GSC: variants seen among roughly 807,000 people sequenced by gnomAD.
The protein encoded by GSC is goosecoid homeobox.
A neutral mutation model predicts 24.5 loss-of-function variants in GSC; 13 were observed. The ratio of observed to expected loss-of-function variants is 0.53; its 90% confidence interval spans 0.35 to 0.84. The LOEUF is 0.84. Ranked by LOEUF, GSC falls within the 40% of genes least tolerant of loss-of-function variation. The pLI, the probability that GSC is intolerant of heterozygous loss-of-function variation, is 0.01. For synonymous variants in GSC, 199 were observed against 182.1 expected (o/e 1.09, Z -0.75); for missense variants, 382 against 384.2 (o/e 0.99, Z 0.05).
intron 2 of GSC, 23 bp from the exon 3 acceptor site, chr14:94,768,672 ACAGTT>A: frequency 1.9e-6 from 3 of 1,611,940 alleles, no homozygotes; most frequent in Non-Finnish European, 2.5e-6. Context: ...GGAGGACAAA[ACAGTT>A]CAGATCAAAG....
In GSC at chr14:94,770,070, C is replaced by T. The variant is rs947895185; in HGVS notation, c.-55G>A. ...GGCGGGAACGCGCCGAGGACAGAGC[C>T]TTAAAGTGGGGGGGTCCACTCTCCT... is the stretch of plus-strand genomic sequence containing the variant. On this transcript the variant is annotated 5_prime_UTR_variant, in exon 1 of 3. Transcript: ENST00000238558. 62 of 1,481,044 alleles carry T rather than the reference C, an allele frequency of 4.2e-5. No individual in the cohort carries two copies. The East Asian group carries it at 1.6e-3, about 39-fold the overall frequency. The allele number at this position is 1,481,044 out of a possible 1,614,324, so 91.7% of individuals were successfully genotyped here. A position where few individuals can be genotyped will look rare whatever the true frequency, so the allele number is the denominator to read the frequency against.
Position 94,769,108 on chromosome 14 carries a change from C to A in GSC, c.465G>T (p.Leu155=). 1 of 1,588,218 alleles carries A rather than the reference C, an allele frequency of 6.3e-7. No individual in the cohort carries two copies. The highest frequency in any genetic ancestry group is 8.6e-7 in the Non-Finnish European group (1 of 1,167,882). Residue 155 remains leucine (L), a synonymous_variant, in exon 2 of 3, where the codon CTG becomes CTT. Coordinates refer to ENST00000238558, the MANE Select transcript of GSC (RefSeq NM_173849.3). ...GGTGCCGCCGCTTCCGCCGACAGTG[C>A]AGCTGGTTGAGAAGCTGCAGCTCGG... ...SRTELQLLNQ[L]HCRRKRRHRT...
Position 94,770,048 on chromosome 14 carries a change from G to A in GSC, c.-33C>T, listed in dbSNP as rs764852187. On this transcript the variant is annotated 5_prime_UTR_variant, in exon 1 of 3. Coordinates refer to ENST00000238558, the MANE Select transcript of GSC (RefSeq NM_173849.3). ...CCCCGCGTCGGGACCGGGGGGCGGC[G>A]GGAACGCGCCGAGGACAGAGCCTTA... 3.3e-6 allele frequency: 5 copies of A among 1,528,610 alleles called. No homozygotes were observed. The South Asian group carries it at 3.6e-5, about 11-fold the overall frequency. 94.7% of individuals were successfully genotyped at this position (1,528,610 alleles called of 1,614,324 possible). A position where few individuals can be genotyped will look rare whatever the true frequency, so the allele number is the denominator to read the frequency against.
At chr14:94,768,717 G>C in intron 2 of GSC, 68 bp from the exon 3 acceptor site, 1 of 1,594,914 alleles carries the variant, frequency 6.3e-7, no homozygotes, top group Non-Finnish European at 8.5e-7. Flanking sequence ...GGGGCACCCG[G>C]GGAGCTTGGT....
chr14:94,769,048 G>T lies in GSC; in HGVS notation c.525C>A (p.Leu175=). ...ACTTGGTCTCCTGGAAGAGGTTCTC[G>T]AGAGCTTCGAGCTGCTCGTCAGTGA... is the stretch of plus-strand genomic sequence containing the variant. The part of the protein sequence containing the change: ...TIFTDEQLEA[L]ENLFQETKYP... The change falls in exon 2 of 3, where the codon CTC becomes CTA. Residue 175 remains leucine (L), a synonymous_variant. Coordinates refer to ENST00000238558, the MANE Select transcript of GSC (RefSeq NM_173849.3). 6.3e-7 allele frequency: 1 copy of T among 1,595,466 alleles called. No homozygotes were observed.
intron 1 of GSC, 99 bp downstream of exon 1, chr14:94,769,562 T>G (rs1381207453): frequency 7.2e-7 from 1 of 1,384,056 alleles, no homozygotes; most frequent in African/African-American, 1.5e-5. Context: ...AGGGGGGAGT[T>G]GCAAGAGGAG....
In GSC at chr14:94,768,369, G is replaced by T; in HGVS notation, c.*122C>A. 1 of 1,292,226 alleles carries T rather than the reference G, an allele frequency of 7.7e-7. No individual in the cohort carries two copies. Among genetic ancestry groups the T allele is most frequent in the Non-Finnish European group, 1.1e-6 (1 of 896,832 alleles). 80.0% of individuals were successfully genotyped at this position (1,292,226 alleles called of 1,614,324 possible). ...CTCCCGGCTCTGTACACTATTTACA[G>T]CTCCTCGTTCCTCTTTCTCGACCCC... On this transcript the variant is annotated 3_prime_UTR_variant, in exon 3 of 3. Coordinates refer to ENST00000238558, the MANE Select transcript of GSC (RefSeq NM_173849.3).
Position 94,769,089 on chromosome 14 carries a change from G to A in GSC, c.484C>T (p.Arg162Trp). The change falls in exon 2 of 3, where the codon CGG becomes TGG. Residue 162 changes from arginine (R) to tryptophan (W), a missense_variant. By Grantham distance (101) the Arg-to-Trp change is moderately radical. Coordinates refer to ENST00000238558, the MANE Select transcript of GSC (RefSeq NM_173849.3). ...TCGTCAGTGAAGATGGTGCGGTGCC[G>A]CCGCTTCCGCCGACAGTGCAGCTGG... is the stretch of plus-strand genomic sequence containing the variant. ...LNQLHCRRKR[R>W]HRTIFTDEQL... 6.3e-7 allele frequency: 1 copy of A among 1,589,956 alleles called. No individual in the cohort carries two copies. The highest frequency in any genetic ancestry group is 8.6e-7 in the Non-Finnish European group (1 of 1,169,020).
chr14:94,769,726 G>A lies in GSC; in HGVS notation c.290C>T (p.Pro97Leu). Residue 97 changes from proline to leucine, a missense_variant, in exon 1 of 3, where the codon CCG (proline) becomes CTG (leucine). Physicochemically the swap from Pro to Leu is moderately conservative, Grantham distance 98 (BLOSUM62 -3). Transcript: ENST00000238558. ...CGGCGGCACGGCCCCGCAGCAGGCC[G>A]GGCCCACGGGCGCCGCCTGCACGTG... The part of the protein sequence containing the change: ...QLHVQAAPVG[P>L]ACCGAVPPLG... The A allele has an allele frequency of 1.4e-6, 2 of 1,445,298 alleles. No individual in the cohort carries two copies. The highest frequency in any genetic ancestry group is 2.9e-5 in the Admixed American group (1 of 34,884). 89.5% of individuals were successfully genotyped at this position (1,445,298 alleles called of 1,614,324 possible).
chr14:94,768,894 C>T, intron 2 of GSC, 64 bp downstream of exon 2: 2 of 1,544,622 alleles, frequency 1.3e-6, no homozygotes, highest in Non-Finnish European at 1.7e-6. Flanking sequence ...CTGGGCAAAC[C>T]CGACTGGGGC....
chr14:94,768,949 G>A lies in GSC; in HGVS notation c.615+9C>T, dbSNP rs1197406338. 5 of 1,574,846 alleles carry A rather than the reference G, an allele frequency of 3.2e-6. No homozygotes were observed. The African/African-American group carries it at 4.1e-5, about 13-fold the overall frequency. On this transcript the variant is annotated intron_variant, in intron 2 of 2. Coordinates refer to ENST00000238558, the MANE Select transcript of GSC (RefSeq NM_173849.3). The stretch of plus-strand genomic sequence containing the variant: ...CCGCTAGGCGCCCACGGCAGGCCCC[G>A]GCGCCTACCTCCACTTTCTCCTCGC...
Position 94,769,695 on chromosome 14 carries a change from G to T in GSC, c.321C>A (p.Gly107=). The part of the protein sequence containing the change: ...PACCGAVPPL[G]AQQCSCVPTP... ...TCGGGACGCAGGAGCACTGCTGGGC[G>T]CCCAGCGGCGGCACGGCCCCGCAGC... Residue 107 remains glycine, a synonymous_variant, in exon 1 of 3, where the codon GGC becomes GGA. Coordinates refer to ENST00000238558, the MANE Select transcript of GSC (RefSeq NM_173849.3). The T allele has an allele frequency of 6.9e-7, 1 of 1,445,446 alleles. No homozygotes were observed. The highest frequency in any genetic ancestry group is 1.4e-5 in the South Asian group (1 of 70,606). 89.5% of individuals were successfully genotyped at this position (1,445,446 alleles called of 1,614,324 possible). A position where few individuals can be genotyped will look rare whatever the true frequency, so the allele number is the denominator to read the frequency against.
chr14:94,769,825 G>C lies in GSC; in HGVS notation c.191C>G (p.Pro64Arg). 7.1e-6 allele frequency: 10 copies of C among 1,415,350 alleles called. No individual in the cohort carries two copies. The highest frequency in any genetic ancestry group is 9.1e-6 in the Non-Finnish European group (10 of 1,097,856). The allele number at this position is 1,415,350 out of a possible 1,614,324, so 87.7% of individuals were successfully genotyped here. The stretch of plus-strand genomic sequence containing the variant: ...CGCGGCCGGGAGGCCCGCGCCGCCG[G>C]GGGCCACGGGGCGCGGGTAGAAGGC... The part of the protein sequence containing the change: ...YGAFYPRPVA[P>R]GGAGLPAAVS... The change falls in exon 1 of 3, where the codon CCC becomes CGC. Residue 64 changes from proline (P) to arginine (R), a missense_variant. By Grantham distance (103) the Pro-to-Arg change is moderately radical. Coordinates refer to ENST00000238558, the MANE Select transcript of GSC (RefSeq NM_173849.3).
chr14:94,769,212 C>G lies in GSC; in HGVS notation c.361G>C (p.Glu121Gln). 6.4e-7 allele frequency: 1 copy of G among 1,553,808 alleles called. No individual in the cohort carries two copies. Among genetic ancestry groups the G allele is most frequent in the Non-Finnish European group, 8.7e-7 (1 of 1,149,344 alleles). ...CSCVPTPPGYEGPGSVLVSPV... is the reference protein window; with the variant it reads ...CSCVPTPPGYQGPGSVLVSPV... ...GACACCAGCACCGAACCGGGGCCCT[C>G]GTAGCCTGCGACAGAGTGGGGCGCA... is the stretch of plus-strand genomic sequence containing the variant. Residue 121 changes from glutamate (E) to glutamine (Q), a missense_variant, in exon 2 of 3, where the codon GAG becomes CAG. Glu to Gln is a conservative substitution (Grantham distance 29, BLOSUM62 2). Transcript: ENST00000238558.
chr14:94,770,095 T>A lies in GSC; in HGVS notation c.-80A>T. On this transcript the variant is annotated 5_prime_UTR_variant, in exon 1 of 3. Coordinates refer to ENST00000238558, the MANE Select transcript of GSC (RefSeq NM_173849.3). Reference sequence around the variant, plus strand: ...CTTAAAGTGGGGGGGTCCACTCTCCTCCAGCCGCCGACCAAACCGAAAGAG... The same window carrying A: ...CTTAAAGTGGGGGGGTCCACTCTCCACCAGCCGCCGACCAAACCGAAAGAG... 4 of 1,333,966 alleles carry A rather than the reference T, an allele frequency of 3.0e-6. No homozygotes were observed. Among genetic ancestry groups the A allele is most frequent in the Non-Finnish European group, 3.0e-6 (3 of 992,022 alleles). The allele number at this position is 1,333,966 out of a possible 1,614,324, so 82.6% of individuals were successfully genotyped here. A position where few individuals can be genotyped will look rare whatever the true frequency, so the allele number is the denominator to read the frequency against.
chr14:94,769,369 G>T (rs142384834), intron 1 of GSC, 152 bp from the exon 2 acceptor site: 1 of 1,063,866 alleles, frequency 9.4e-7, no homozygotes, highest in Non-Finnish European at 1.3e-6. Flanking sequence ...CAGGGAAAAG[G>T]AGGAGGCGTG....
chr14:94,769,613 G>T, intron 1 of GSC, 48 bp downstream of exon 1: 2 of 1,406,708 alleles, frequency 1.4e-6, no homozygotes, highest in Non-Finnish European at 1.8e-6. Flanking sequence ...GGCTCCATGG[G>T]CTAAGGACCG....
In GSC at chr14:94,769,673, G is replaced by A; in HGVS notation, c.343C>T (p.Pro115Ser). 1 of 1,444,654 alleles carries A rather than the reference G, an allele frequency of 6.9e-7. No individual in the cohort carries two copies. The highest frequency in any genetic ancestry group is 1.4e-5 in the South Asian group (1 of 70,094). 89.5% of individuals were successfully genotyped at this position (1,444,654 alleles called of 1,614,324 possible). A position where few individuals can be genotyped will look rare whatever the true frequency, so the allele number is the denominator to read the frequency against. The part of the protein sequence containing the change: ...PLGAQQCSCV[P>S]TPPGYEGPGS... The stretch of plus-strand genomic sequence containing the variant: ...AGCGCGACCCTACCTGGGGGCGTCG[G>A]GACGCAGGAGCACTGCTGGGCGCCC... Residue 115 changes from proline to serine, a missense_variant, in exon 1 of 3, where the codon CCG becomes TCG. Pro to Ser is a moderately conservative substitution (Grantham distance 74, BLOSUM62 -1). Coordinates refer to ENST00000238558, the MANE Select transcript of GSC (RefSeq NM_173849.3).
chr14:94,768,732 C>G (rs1462371989), intron 2 of GSC, 83 bp from the exon 3 acceptor site: 1 of 1,560,038 alleles, frequency 6.4e-7, no homozygotes, highest in Non-Finnish European at 8.7e-7. Context: ...CTTGGTGTGG[C>G]GGCGGGACAC....
Sources: gnomAD v4.1 joint callset for allele counts on GRCh38, gnomAD v4.1.1 for gene constraint, MANE v1.5 for transcripts, NCBI Gene and HGNC (gene_info 2026-07-23, HGNC 2026-07-21) for gene names.